Variants in RBM26 observed in about 807,000 individuals in gnomAD.
The protein encoded by RBM26 is RNA binding motif protein 26.
Under a neutral mutation model 123.6 loss-of-function variants are expected in RBM26, and 30 were observed. The observed-to-expected ratio is 0.24, with a 90% CI of 0.18 to 0.33. RBM26 has a LOEUF of 0.33. Among genes scored for constraint, RBM26 ranks in the 10% least tolerant of loss-of-function variants. RBM26 has a pLI of 1.00. For missense variants in RBM26, 947 were observed against 1,203.6 expected (o/e 0.79, Z 3.15); for synonymous variants, 400 against 404.4 (o/e 0.99, Z 0.13).
chr13:79,369,453 A>C (rs1205024078), intron 5 of RBM26, among the ~76,000 whole-genome samples: 1 of 152,196 alleles, frequency 6.6e-6, no homozygotes, highest in African/African-American at 2.4e-5. Context: ...GAAATTAACT[A>C]GACTATACAT....
chr13:79,387,189 C>T (rs1274907829), intron 1 of RBM26, among the ~76,000 whole-genome samples: 3 of 151,920 alleles, frequency 2.0e-5, no homozygotes, highest in African/African-American at 4.8e-5. Context: ...ACTTGCCAAA[C>T]TAGAAATAAT....
chr13:79,366,922 A>G lies in RBM26; in HGVS notation c.896-50T>C, dbSNP rs375275842. ...CAAATGTCAAAAGCACTGGAAATAT[A>G]TATTTTCTCTAAGTTAGCAAAAGTA... On this transcript the variant is annotated intron_variant, in intron 6 of 21. Coordinates refer to ENST00000438737, the MANE Select transcript of RBM26 (RefSeq NM_001366735.2). 8.3e-6 allele frequency: 12 copies of G among 1,442,898 alleles called. No homozygotes were observed. The African/African-American group carries it at 1.3e-4, about 16-fold the overall frequency. 89.4% of individuals were successfully genotyped at this position (1,442,898 alleles called of 1,614,324 possible).
chr13:79,374,224 T>C (rs1490182053), intron 3 of RBM26, among the ~76,000 whole-genome samples: 1 of 152,146 alleles, frequency 6.6e-6, no homozygotes, highest in African/African-American at 2.4e-5. Context: ...ATCCCAGCAC[T>C]TTTAAAGGCA....
At chr13:79,404,116 T>C (rs1430886523) in intron 1 of RBM26, among the ~76,000 whole-genome samples, 3 of 152,214 alleles carry the variant, frequency 2.0e-5, no homozygotes, top group African/African-American at 4.8e-5. Flanking sequence ...TATTCAATGA[T>C]CTGCTATCAC....
At chr13:79,372,627 AG>A (rs1315769832) in intron 3 of RBM26, among the ~76,000 whole-genome samples, 2 of 149,052 alleles carry the variant, frequency 1.3e-5, no homozygotes, top group Non-Finnish European at 3.0e-5. Flanking sequence ...AAACACATCA[AG>A]GAATATAGGA....
downstream of RBM26, chr13:79,318,717 T>C (rs936620033): frequency 1.2e-6 from 1 of 841,664 alleles, no homozygotes; most frequent in African/African-American, 1.8e-5. Flanking sequence ...GGGAATTTTA[T>C]AATTTTTGAA....
chr13:79,328,924 C>A (rs1391121760), intron 20 of RBM26, among the ~76,000 whole-genome samples: 2 of 151,650 alleles, frequency 1.3e-5, no homozygotes, highest in Non-Finnish European at 2.9e-5. Context: ...AACTACATAC[C>A]TATGGATTTT....
At chr13:79,368,248 G>C (rs926722970) in intron 6 of RBM26, among the ~76,000 whole-genome samples, 2 of 152,110 alleles carry the variant, frequency 1.3e-5, no homozygotes, top group Non-Finnish European at 2.9e-5. Context: ...GGATGGTCTA[G>C]ATCTCCTGAC....
rs1209874673 is a variant in RBM26, at chr13:79,319,907, TTTC to T, written c.*711_*713del. 4.2e-6 allele frequency: 4 copies of T among 950,606 alleles called. No homozygotes were observed. In the African/African-American group the frequency reaches 7.2e-5, roughly 17 times the overall value. The allele number at this position is 950,606 out of a possible 1,614,324, so 58.9% of individuals were successfully genotyped here. A position where few individuals can be genotyped will look rare whatever the true frequency, so the allele number is the denominator to read the frequency against. On this transcript the variant is annotated 3_prime_UTR_variant, in exon 22 of 22. Transcript: ENST00000438737. Reference sequence around the variant, plus strand: ...CTATTTTAATTTTTTTCTTTTCTTTTTTCTTTTCTTTTTTTTTTTAAATCAAGG... The same window carrying T: ...CTATTTTAATTTTTTTCTTTTCTTTTTTTTCTTTTTTTTTTTAAATCAAGG...
At chr13:79,389,235 T>C (rs902872872) in intron 1 of RBM26, among the ~76,000 whole-genome samples, 2 of 152,148 alleles carry the variant, frequency 1.3e-5, no homozygotes, top group East Asian at 1.9e-4. Flanking sequence ...ATGCAATACA[T>C]AACATCATAA....
Position 79,365,503 on chromosome 13 carries a change from C to A in RBM26, c.1417+75G>T, listed in dbSNP as rs532364300. Reference sequence around the variant, plus strand: ...TTATCCAACCCCAATAAAGGCAAGACCAACTGTTCTTTATAAATGTTTTCC... The same window carrying A: ...TTATCCAACCCCAATAAAGGCAAGAACAACTGTTCTTTATAAATGTTTTCC... On this transcript the variant is annotated intron_variant, in intron 9 of 21. Coordinates refer to ENST00000438737, the MANE Select transcript of RBM26 (RefSeq NM_001366735.2). 72 of 1,202,664 alleles carry A rather than the reference C, an allele frequency of 6.0e-5. 1 individual carries two copies. In the South Asian group the frequency reaches 9.4e-4, roughly 16 times the overall value. 74.5% of individuals were successfully genotyped at this position (1,202,664 alleles called of 1,614,324 possible).
At position 79,391,081 on chromosome 13, in the gene RBM26, C is replaced by T. The variant is rs964990014; in HGVS notation, c.72-12174G>A. Among the ~76,000 whole-genome samples the T allele has an allele frequency of 1.3e-4, 20 of 152,264 alleles. 1 individual carries two copies. The Middle Eastern group carries it at 0.024, about 181-fold the overall frequency. ...ATACATAAATAAGGCTATATCCATA[C>T]TTCATACCTGGATTTTCTTTAAAAA... On this transcript the variant is annotated intron_variant, in intron 1 of 21. Coordinates refer to ENST00000438737, the MANE Select transcript of RBM26 (RefSeq NM_001366735.2).
chr13:79,390,279 C>T (rs1242522177), intron 1 of RBM26, among the ~76,000 whole-genome samples: 2 of 152,028 alleles, frequency 1.3e-5, no homozygotes, highest in African/African-American at 4.8e-5. Flanking sequence ...CTCAGCAATA[C>T]AAAGAAGCAA....
At position 79,337,446 on chromosome 13, in the gene RBM26, G is replaced by A. The variant is rs932720544; in HGVS notation, c.2533-144C>T. 2.5e-5 allele frequency: 25 copies of A among 1,001,114 alleles called. No homozygotes were observed. The African/African-American group carries it at 3.3e-4, about 13-fold the overall frequency. The allele number at this position is 1,001,114 out of a possible 1,614,324, so 62.0% of individuals were successfully genotyped here. On this transcript the variant is annotated intron_variant, in intron 18 of 21. Transcript: ENST00000438737. Reference sequence around the variant, plus strand: ...ATAAAAGGATCACATAATTTAAATTGGGGTTTTAGTTTAGTGAAAGTAAAT... The same window carrying A: ...ATAAAAGGATCACATAATTTAAATTAGGGTTTTAGTTTAGTGAAAGTAAAT...
intron 14 of RBM26, among the ~76,000 whole-genome samples, chr13:79,352,230 T>C (rs2073341817): frequency 1.3e-5 from 2 of 152,164 alleles, no homozygotes; most frequent in Admixed American, 1.3e-4. Context: ...ACTGATGCAT[T>C]ATCTCTGAAA....
intron 1 of RBM26, among the ~76,000 whole-genome samples, chr13:79,387,888 C>T (rs1025244963): frequency 7.2e-5 from 11 of 152,270 alleles, no homozygotes; most frequent in South Asian, 2.1e-4. Flanking sequence ...AATTTCTGTA[C>T]ATTGTTTCTA....
intron 20 of RBM26, among the ~76,000 whole-genome samples, chr13:79,325,239 T>C (rs562226464): frequency 8.1e-4 from 123 of 152,170 alleles, no homozygotes; most frequent in Admixed American, 2.8e-3. Context: ...TATTTTAGAG[T>C]GTACTCTAAT....
intron 14 of RBM26, among the ~76,000 whole-genome samples, chr13:79,350,186 T>C (rs1413718560): frequency 6.6e-6 from 1 of 152,220 alleles, no homozygotes; most frequent in Non-Finnish European, 1.5e-5. Context: ...TTCCATGGTA[T>C]AGATGTTAAT....
downstream of RBM26, chr13:79,314,104 T>A (rs2138206046): frequency 6.6e-6 from 1 of 151,826 alleles, no homozygotes; most frequent in Non-Finnish European, 1.5e-5. Context: ...AGGATGAGAT[T>A]TAATCAGATT....
Sources: gnomAD v4.1 joint callset for allele counts (sites outside exome capture counted in the v4.1 genomes callset) on GRCh38, gnomAD v4.1.1 for gene constraint, MANE v1.5 for transcripts, NCBI Gene and HGNC (gene_info 2026-07-23, HGNC 2026-07-21) for gene names.